NCOA2: variants seen among roughly 807,000 people sequenced by gnomAD.
NCOA2 encodes the protein nuclear receptor coactivator 2, also known as class E basic helix-loop-helix protein 75.
A neutral mutation model predicts 145.1 loss-of-function variants in NCOA2; 21 were observed. That is an observed-to-expected ratio of 0.14 (90% CI 0.10 to 0.21). NCOA2 has a LOEUF of 0.21. Ranked by LOEUF, NCOA2 falls within the 10% of genes least tolerant of loss-of-function variation. The probability of loss-of-function intolerance (pLI) is 1.00; values close to 1 mark genes in which losing one functional copy is unlikely to be tolerated. For missense variants in NCOA2, 1,472 were observed against 1,837.6 expected, an observed-to-expected ratio of 0.80 and a Z score of 3.64; for synonymous variants, 619 against 637.5, an observed-to-expected ratio of 0.97 and a Z score of 0.44.
chr8:70,185,044 G>T (rs1222695661), intron 4 of NCOA2, among the ~76,000 whole-genome samples: 1 of 152,058 alleles, frequency 6.6e-6, no homozygotes, highest in African/African-American at 2.4e-5. Flanking sequence ...TCTCCCATCT[G>T]GTTATCTTTT....
intron 1 of NCOA2, among the ~76,000 whole-genome samples, chr8:70,348,704 C>A (rs1453496056): frequency 6.6e-6 from 1 of 152,000 alleles, no homozygotes; most frequent in African/African-American, 2.4e-5. Context: ...ACATTTTGAG[C>A]CTGGGTGAGT....
chr8:70,134,764 C>T (rs1400058891), intron 15 of NCOA2, among the ~76,000 whole-genome samples: 2 of 152,134 alleles, frequency 1.3e-5, no homozygotes, highest in Non-Finnish European at 2.9e-5. Context: ...TTGTTACATG[C>T]TTTTCTTTTT....
At chr8:70,233,084 G>A (rs1821285681) in intron 2 of NCOA2, among the ~76,000 whole-genome samples, 1 of 104,298 alleles carries the variant, frequency 9.6e-6, no homozygotes, top group Non-Finnish European at 1.9e-5. Flanking sequence ...AATTAGCTGG[G>A]CATGGTGGTG....
chr8:70,352,543 T>C (rs1809339365), intron 1 of NCOA2, among the ~76,000 whole-genome samples: 1 of 152,220 alleles, frequency 6.6e-6, no homozygotes, highest in African/African-American at 2.4e-5. Context: ...TTTTTTCCTA[T>C]ATAAGTTTAA....
Position 70,327,588 on chromosome 8 carries a change from A to T in NCOA2, c.-76-30788T>A, listed in dbSNP as rs564662121. Among the ~76,000 whole-genome samples, 127 of 152,348 alleles carry T rather than the reference A, an allele frequency of 8.3e-4. 1 individual carries two copies. The highest frequency in any genetic ancestry group is 3.0e-3 in the African/African-American group (123 of 41,576). ...ACAAAATTAATGTAGTTAAAAGTCA[A>T]CCAGTTAAAGTACAAGTACAATCTC... On this transcript the variant is annotated intron_variant, in intron 1 of 22. Transcript: ENST00000452400.
chr8:70,196,905 A>C (rs1043937613), intron 4 of NCOA2, among the ~76,000 whole-genome samples: 2 of 152,316 alleles, frequency 1.3e-5, no homozygotes, highest in Admixed American at 1.3e-4. Context: ...GACTAGTTTT[A>C]AGGCCTCAAC....
intron 16 of NCOA2, 69 bp downstream of exon 16, chr8:70,131,768 A>C (rs1809134142): frequency 6.8e-7 from 1 of 1,480,980 alleles, no homozygotes; most frequent in Admixed American, 2.3e-5. Flanking sequence ...GAGTACCTGT[A>C]AACAGAAAAT....
chr8:70,221,851 T>C (rs1185453784), intron 2 of NCOA2, among the ~76,000 whole-genome samples: 4 of 152,178 alleles, frequency 2.6e-5, no homozygotes, highest in Non-Finnish European at 4.4e-5. Flanking sequence ...AAATCAAACG[T>C]TGCTTCCCAT....
At chr8:70,277,447 G>C (rs1452291607) in intron 2 of NCOA2, among the ~76,000 whole-genome samples, 1 of 152,058 alleles carries the variant, frequency 6.6e-6, no homozygotes, top group Non-Finnish European at 1.5e-5. Flanking sequence ...TAAAGATGTA[G>C]CTATATCTTT....
chr8:70,314,650 A>T (rs1300354933), intron 1 of NCOA2, among the ~76,000 whole-genome samples: 1 of 152,240 alleles, frequency 6.6e-6, no homozygotes, highest in Non-Finnish European at 1.5e-5. Context: ...CTAAATGTAA[A>T]ATATAATTTA....
chr8:70,144,909 A>G lies in NCOA2; in HGVS notation c.2606-61T>C. Reference sequence around the variant, plus strand: ...TAGGATAATGGAAAATAATATTAACAGTAGTGTTTAGGGACAATGTCTGTA... The same window carrying G: ...TAGGATAATGGAAAATAATATTAACGGTAGTGTTTAGGGACAATGTCTGTA... On this transcript the variant is annotated intron_variant, in intron 12 of 22. Coordinates refer to ENST00000452400, the MANE Select transcript of NCOA2 (RefSeq NM_006540.4). 3 of 1,402,776 alleles carry G rather than the reference A, an allele frequency of 2.1e-6. No homozygotes were observed. The South Asian group carries it at 3.5e-5, about 16-fold the overall frequency. The allele number at this position is 1,402,776 out of a possible 1,614,324, so 86.9% of individuals were successfully genotyped here. A position where few individuals can be genotyped will look rare whatever the true frequency, so the allele number is the denominator to read the frequency against.
intron 1 of NCOA2, among the ~76,000 whole-genome samples, chr8:70,371,532 G>A (rs1811216587): frequency 6.6e-6 from 1 of 152,004 alleles, no homozygotes; most frequent in East Asian, 1.9e-4. Flanking sequence ...GGAAAAAAAG[G>A]ACAAGCAATT....
chr8:70,232,313 A>G (rs1386694403), intron 2 of NCOA2, among the ~76,000 whole-genome samples: 1 of 152,148 alleles, frequency 6.6e-6, no homozygotes, highest in Admixed American at 6.5e-5. Context: ...TCTTTCCACC[A>G]TAAGGGGAAG....
intron 22 of NCOA2, among the ~76,000 whole-genome samples, chr8:70,115,477 G>A (rs1340692869): frequency 6.6e-6 from 1 of 152,174 alleles, no homozygotes; most frequent in Non-Finnish European, 1.5e-5. Flanking sequence ...GGTCCATTAC[G>A]TACCTAATAC....
rs1315766122 is a variant in NCOA2, at chr8:70,371,087, A to C, written c.-77+32613T>G. 2.0e-5 allele frequency among the ~76,000 whole-genome samples: 3 copies of C among 152,228 alleles called. No homozygotes were observed. The East Asian group carries it at 5.8e-4, about 29-fold the overall frequency. On this transcript the variant is annotated intron_variant, in intron 1 of 22. Transcript: ENST00000452400. ...CGGATCACGAGGTCAGGAGATCAAG[A>C]CCATCCTGGCTAACACAGTGAAACC...
intron 15 of NCOA2, among the ~76,000 whole-genome samples, chr8:70,135,125 G>C (rs1473252290): frequency 6.6e-6 from 1 of 152,078 alleles, no homozygotes; most frequent in East Asian, 1.9e-4. Flanking sequence ...ACGGGCAGCT[G>C]ATCTTTCTCC....
chr8:70,247,777 C>A lies in NCOA2; in HGVS notation c.-19-31013G>T, dbSNP rs143713798. On this transcript the variant is annotated intron_variant, in intron 2 of 22. Transcript: ENST00000452400. ...GGCGCTTTTACAAATTATTTCTCAG[C>A]CAGATCATGGGCAGCAGCAAAATGC... is the stretch of plus-strand genomic sequence containing the variant. 6.0e-3 allele frequency among the ~76,000 whole-genome samples: 917 copies of A among 152,330 alleles called. 9 individuals are homozygous for A. Among genetic ancestry groups the A allele is most frequent in the African/African-American group, 0.021 (873 of 41,572 alleles).
At chr8:70,453,227 C>T in the NCOA2 span, among the ~76,000 whole-genome samples, 2 of 152,200 alleles carry the variant, frequency 1.3e-5, no homozygotes, top group Admixed American at 1.3e-4. Context: ...CAAGACTTCC[C>T]TAGTCCTTGC....
intron 1 of NCOA2, among the ~76,000 whole-genome samples, chr8:70,315,729 GAAGGCACCATTCTCTAT>G (rs1805532426): frequency 6.6e-6 from 1 of 152,164 alleles, no homozygotes; most frequent in African/African-American, 2.4e-5. Context: ...GAGGCAGGAG[GAAGGCACCATTCTCTAT>G]AAGAAGTGAT....
Sources: allele counts gnomAD v4.1 joint callset (sites outside exome capture counted in the v4.1 genomes callset), GRCh38; gene constraint gnomAD v4.1.1; transcripts MANE v1.5; gene names NCBI Gene and HGNC (gene_info 2026-07-23, HGNC 2026-07-21).